Variants in MAPK10 observed in about 807,000 individuals in gnomAD.
MAPK10 encodes the protein JNK3 alpha protein kinase.
MAPK10 carries 25 observed loss-of-function variants against 59.3 expected under a neutral mutation model. The observed-to-expected ratio is 0.42, with a 90% confidence interval of 0.31 to 0.59. MAPK10 has a LOEUF of 0.59. Ranked by LOEUF, MAPK10 falls within the 20% of genes least tolerant of loss-of-function variation. The pLI, the probability that MAPK10 is intolerant of heterozygous loss-of-function variation, is 0.15. For missense variants in MAPK10, 351 were observed against 568.9 expected, an observed-to-expected ratio of 0.62 and a Z score of 3.90; for synonymous variants, 190 against 200.5, an observed-to-expected ratio of 0.95 and a Z score of 0.44.
At chr4:86,410,068 T>C (rs975746755) in intron 1 of MAPK10, among the ~76,000 whole-genome samples, 1 of 152,172 alleles carries the variant, frequency 6.6e-6, no homozygotes, top group Non-Finnish European at 1.5e-5. Flanking sequence ...TATTTTGAGA[T>C]AATTTCATCA....
intron 2 of MAPK10, among the ~76,000 whole-genome samples, chr4:86,284,247 T>C (rs950251545): frequency 2.0e-5 from 3 of 152,206 alleles, no homozygotes; most frequent in Non-Finnish European, 2.9e-5. Flanking sequence ...AAGAGTTAAG[T>C]AATTTGCCCA....
chr4:86,461,467 C>T (rs1564905460), intron 1 of MAPK10, among the ~76,000 whole-genome samples: 1 of 152,166 alleles, frequency 6.6e-6, no homozygotes, highest in Non-Finnish European at 1.5e-5. Context: ...GTAATTCCAG[C>T]ACTTTGGGAG....
At chr4:86,426,794 T>G (rs1564847156) in intron 1 of MAPK10, among the ~76,000 whole-genome samples, 1 of 152,104 alleles carries the variant, frequency 6.6e-6, no homozygotes, top group African/African-American at 2.4e-5. Flanking sequence ...ATAGAAATAA[T>G]ACTAGTACCT....
chr4:86,475,102 C>A (rs1397797389), intron 1 of MAPK10, among the ~76,000 whole-genome samples: 2 of 152,124 alleles, frequency 1.3e-5, no homozygotes, highest in Non-Finnish European at 2.9e-5. Flanking sequence ...TATAAAACGG[C>A]CCCACTCCAT....
At chr4:86,570,197 A>T (rs914077892) in intron 1 of MAPK10, among the ~76,000 whole-genome samples, 2 of 152,198 alleles carry the variant, frequency 1.3e-5, no homozygotes, top group African/African-American at 4.8e-5. Flanking sequence ...AACTCAAAAT[A>T]TGGTAGACAA....
intron 1 of MAPK10, among the ~76,000 whole-genome samples, chr4:86,507,925 G>GA (rs1175365297): frequency 1.8e-3 from 258 of 144,926 alleles, no homozygotes; most frequent in South Asian, 4.6e-3. Context: ...ATACCAAAAA[G>GA]AAAAAAAAAA....
chr4:86,421,639 C>G (rs1406956006), intron 1 of MAPK10, among the ~76,000 whole-genome samples: 1 of 152,082 alleles, frequency 6.6e-6, no homozygotes, highest in Non-Finnish European at 1.5e-5. Context: ...GAATACAAAG[C>G]ACAAAGGCAA....
chr4:86,228,970 T>C (rs762418110), intron 2 of MAPK10, among the ~76,000 whole-genome samples: 12 of 152,194 alleles, frequency 7.9e-5, no homozygotes, highest in Non-Finnish European at 1.5e-4. Context: ...CATTCACTTA[T>C]AGTTCTACAA....
intron 1 of MAPK10, among the ~76,000 whole-genome samples, chr4:86,465,461 T>C (rs7690866): frequency 0.018 from 2,703 of 152,226 alleles, 29 homozygotes; most frequent in African/African-American, 0.031. Context: ...GGGGGAGAAA[T>C]AGTGACTATG....
intron 1 of MAPK10, among the ~76,000 whole-genome samples, chr4:86,536,645 C>A (rs1216679221): frequency 6.6e-6 from 1 of 152,078 alleles, no homozygotes; most frequent in Non-Finnish European, 1.5e-5. Context: ...CTACTACTAT[C>A]TTCAAAAATA....
intron 2 of MAPK10, among the ~76,000 whole-genome samples, chr4:86,274,883 T>C (rs1297865177): frequency 6.6e-6 from 1 of 151,976 alleles, no homozygotes; most frequent in African/African-American, 2.4e-5. Context: ...GATTAAGCAA[T>C]TTTCTCAATT....
intron 2 of MAPK10, among the ~76,000 whole-genome samples, chr4:86,345,260 C>T (rs1168341847): frequency 6.6e-6 from 1 of 152,182 alleles, no homozygotes; most frequent in Non-Finnish European, 1.5e-5. Flanking sequence ...AGGTACCCCA[C>T]TTGGATGAGA....
At chr4:86,041,213 C>CA (rs1292916994) in intron 11 of MAPK10, among the ~76,000 whole-genome samples, 10 of 152,072 alleles carry the variant, frequency 6.6e-5, no homozygotes, top group African/African-American at 2.4e-4. Context: ...ACAAACCTGA[C>CA]AAAAACAAGC....
At chr4:86,185,099 G>A (rs140105469) in intron 3 of MAPK10, among the ~76,000 whole-genome samples, 3 of 152,106 alleles carry the variant, frequency 2.0e-5, no homozygotes, top group African/African-American at 4.8e-5. Flanking sequence ...ACTTGGCATC[G>A]TTAAACTTTG....
intron 2 of MAPK10, among the ~76,000 whole-genome samples, chr4:86,271,120 T>C (rs2094422078): frequency 6.6e-6 from 1 of 152,044 alleles, no homozygotes; most frequent in Non-Finnish European, 1.5e-5. Flanking sequence ...GGTTGTACCA[T>C]TTTATCCTCC....
intron 1 of MAPK10, chr4:86,356,409 G>A: frequency 8.6e-6 from 3 of 348,642 alleles, no homozygotes; most frequent in South Asian, 1.2e-4. Context: ...GTATATGTGT[G>A]AGGTCTACTT....
intron 1 of MAPK10, among the ~76,000 whole-genome samples, chr4:86,561,039 GA>G (rs1760637548): frequency 6.6e-6 from 1 of 152,184 alleles, no homozygotes; most frequent in Non-Finnish European, 1.5e-5. Context: ...TTTTTTCCAT[GA>G]ATGCGGGAGT....
intron 2 of MAPK10, among the ~76,000 whole-genome samples, chr4:86,276,280 T>G (rs17011655): frequency 0.11 from 16,656 of 152,126 alleles, 950 homozygotes; most frequent in Middle Eastern, 0.13. Context: ...TCATGGCCCC[T>G]GACCACTAGC....
intron 2 of MAPK10, among the ~76,000 whole-genome samples, chr4:86,280,575 C>G (rs1003125137): frequency 6.6e-6 from 1 of 152,202 alleles, no homozygotes; most frequent in South Asian, 2.1e-4. Flanking sequence ...ATAGAACTAC[C>G]ATTTAATGGG....
Sources: gnomAD v4.1 joint callset for allele counts (sites outside exome capture counted in the v4.1 genomes callset) on GRCh38, gnomAD v4.1.1 for gene constraint, MANE v1.5 for transcripts, NCBI Gene and HGNC (gene_info 2026-07-23, HGNC 2026-07-21) for gene names.